NUMA1: variants seen among roughly 807,000 people sequenced by gnomAD.
The protein encoded by NUMA1 is nuclear mitotic apparatus protein 1, also known as SP-H antigen.
In NUMA1, 62 loss-of-function variants were observed where a neutral mutation model predicts 237.1. The observed-to-expected ratio is 0.26, with a 90% CI of 0.21 to 0.32. NUMA1 has a LOEUF of 0.32. NUMA1 is among the 10% of genes least tolerant of loss of function. NUMA1 has a pLI of 1.00. For missense variants in NUMA1, 2,533 were observed against 2,666.5 expected (o/e 0.95, Z 1.10); for synonymous variants, 1,028 against 1,066.1 (o/e 0.96, Z 0.70).
chr11:72,014,735 A>G lies in NUMA1; in HGVS notation c.2768T>C (p.Val923Ala), dbSNP rs1360997724. Residue 923 changes from valine (V) to alanine (A), a missense_variant, in exon 15 of 27, where the codon GTG becomes GCG. By Grantham distance (64) the Val-to-Ala change is moderately conservative (BLOSUM62 0). Transcript: ENST00000393695. This position sits in a 1 kb window ranked among gnomAD's most constrained non-coding sequence, Gnocchi z 4.6. ...SKEVARLETLVRKAGEQQETA... is the reference protein window; with the variant it reads ...SKEVARLETLARKAGEQQETA... ...TTCCTGCTGCTCACCTGCCTTGCGC[A>G]CCAAGGTCTCCAAGCGGGCCACCTC... The G allele has an allele frequency of 5.0e-6, 8 of 1,614,066 alleles. No homozygotes were observed. Among genetic ancestry groups the G allele is most frequent in the Non-Finnish European group, 6.8e-6 (8 of 1,180,034 alleles).
rs1311990032 is a variant in NUMA1 at position 72,015,614 on chromosome 11, G to A, written c.1889C>T (p.Ala630Val). Residue 630 changes from alanine to valine, a missense_variant, in exon 15 of 27, where the codon GCC becomes GTC. By Grantham distance (64) the Ala-to-Val change is moderately conservative (BLOSUM62 0). Transcript: ENST00000393695. The surrounding 1 kb of genome is among the most constrained non-coding windows in gnomAD (Gnocchi z 4.0). The part of the protein sequence containing the change: ...LQQQLQVANE[A>V]RDSAQTSVTQ... ...CACTGAGGTCTGGGCACTGTCCCGGGCTTCATTAGCCACCTGAAGTTGCTG... is the reference window on the plus strand; with the variant it reads ...CACTGAGGTCTGGGCACTGTCCCGGACTTCATTAGCCACCTGAAGTTGCTG... The A allele has an allele frequency of 6.2e-7, 1 of 1,613,566 alleles. No homozygotes were observed. Among genetic ancestry groups the A allele is most frequent in the Non-Finnish European group, 8.5e-7 (1 of 1,180,034 alleles).
chr11:72,078,822 CTTACATGATCCTCATG>C (rs144093421), intron 1 of NUMA1, among the ~76,000 whole-genome samples: 3,469 of 152,266 alleles, frequency 0.023, 131 homozygotes, highest in African/African-American at 0.079. Flanking sequence ...AGAAAGCTAC[CTTACATGATCCTCATG>C]TTCGCCCCAG....
At position 72,003,539 on chromosome 11, in the gene NUMA1, C is replaced by T; in HGVS notation, c.6337-1G>A. On this transcript the variant is annotated splice_acceptor_variant, in intron 26 of 26. Coordinates refer to ENST00000393695, the MANE Select transcript of NUMA1 (RefSeq NM_006185.4). LOFTEE classifies it high-confidence loss of function. ...TGGTACTGGCCCTTTAGTGCTTTGC[C>T]TGAAAGAGACACAGTCACATGGCCA... is the stretch of plus-strand genomic sequence containing the variant. The T allele has an allele frequency of 1.2e-6, 2 of 1,614,198 alleles. No individual in the cohort carries two copies. The highest frequency in any genetic ancestry group is 2.2e-5 in the East Asian group (1 of 44,884).
chr11:72,013,946 G>A lies in NUMA1; in HGVS notation c.3557C>T (p.Ala1186Val). 2 of 1,613,816 alleles carry A rather than the reference G, an allele frequency of 1.2e-6. No homozygotes were observed. The highest frequency in any genetic ancestry group is 1.7e-6 in the Non-Finnish European group (2 of 1,180,028). ...GGCAGCCAACTCCCGTTGGGCCGAGGCTAAGGCACTCTGACTGTGCCCTAG... is the reference window on the plus strand; with the variant it reads ...GGCAGCCAACTCCCGTTGGGCCGAGACTAAGGCACTCTGACTGTGCCCTAG... ...QELGHSQSAL[A>V]SAQRELAAFR... The change falls in exon 15 of 27, where the codon GCC (alanine) becomes GTC (valine). Residue 1186 changes from alanine (A) to valine (V), a missense_variant. This residue lies in a region of NUMA1 where 1,414 missense variants were observed against 1,508.1 expected (regional missense o/e 0.94). Coordinates refer to ENST00000393695, the MANE Select transcript of NUMA1 (RefSeq NM_006185.4). This position sits in a 1 kb window ranked among gnomAD's most constrained non-coding sequence, Gnocchi z 6.8.
chr11:72,067,597 TA>T (rs1943257280), intron 2 of NUMA1: 1 of 152,074 alleles, frequency 6.6e-6, no homozygotes, highest in South Asian at 2.1e-4. Context: ...AAGTAGAGAG[TA>T]AAGTAACTAT....
Position 72,013,638 on chromosome 11 carries a change from C to G in NUMA1, c.3865G>C (p.Ala1289Pro). ...AGGCTCTGCACCTCCTCCCGCAGAGCAGAGCTGCGTTCTGCAGCTCTGGCA... is the reference window on the plus strand; with the variant it reads ...AGGCTCTGCACCTCCTCCCGCAGAGGAGAGCTGCGTTCTGCAGCTCTGGCA... ...NSARAAERSS[A>P]LREEVQSLRE... Residue 1289 changes from alanine (A) to proline (P), a missense_variant, in exon 15 of 27, where the codon GCT (alanine) becomes CCT (proline). This residue lies in a region of NUMA1 where 324 missense variants were observed against 407.6 expected (regional missense o/e 0.79). Coordinates refer to ENST00000393695, the MANE Select transcript of NUMA1 (RefSeq NM_006185.4). This position sits in a 1 kb window ranked among gnomAD's most constrained non-coding sequence, Gnocchi z 6.8. 6.2e-7 allele frequency: 1 copy of G among 1,610,148 alleles called. No individual in the cohort carries two copies. Among genetic ancestry groups the G allele is most frequent in the South Asian group, 1.1e-5 (1 of 91,086 alleles).
At chr11:72,073,951 G>A (rs1183646866) in intron 1 of NUMA1, among the ~76,000 whole-genome samples, 1 of 152,022 alleles carries the variant, frequency 6.6e-6, no homozygotes, top group Non-Finnish European at 1.5e-5. Context: ...CAGCACTTTG[G>A]GAGGCTGAGG....
Position 72,028,902 on chromosome 11 carries a change from T to C in NUMA1, c.128+303A>G, listed in dbSNP as rs371520844. 9.2e-5 allele frequency among the ~76,000 whole-genome samples: 14 copies of C among 152,272 alleles called. 1 individual carries two copies. The highest frequency in any genetic ancestry group is 4.1e-4 in the South Asian group (2 of 4,824). ...AGAAGCCTTCTGGTGAGACAAGAGA[T>C]GGGGAACCCAAGAGTGAGCACTTGG... On this transcript the variant is annotated intron_variant, in intron 4 of 26. Transcript: ENST00000393695.
intron 2 of NUMA1, chr11:72,068,123 G>T (rs1943280271): frequency 6.6e-6 from 1 of 152,252 alleles, no homozygotes; most frequent in Admixed American, 6.5e-5. Context: ...CATCTTGATT[G>T]ATTTGGGTGT....
chr11:72,029,689 G>C (rs942066077), intron 3 of NUMA1, among the ~76,000 whole-genome samples: 9 of 152,140 alleles, frequency 5.9e-5, no homozygotes, highest in Non-Finnish European at 4.4e-5. Context: ...ATGTATTATA[G>C]CTCTTTGTAT....
At chr11:72,029,412 C>A in intron 3 of NUMA1, 122 bp from the exon 4 acceptor site, 1 of 518,086 alleles carries the variant, frequency 1.9e-6, no homozygotes. Flanking sequence ...ACTGATGATT[C>A]TCAGGTTTTT....
intron 23 of NUMA1, 128 bp downstream of exon 23, chr11:72,005,105 G>A: frequency 8.9e-7 from 1 of 1,120,042 alleles, no homozygotes; most frequent in Non-Finnish European, 1.2e-6. Context: ...CTGGAAACAT[G>A]AGAAGGTCAC....
At chr11:72,072,979 G>A (rs1307937694) in intron 1 of NUMA1, among the ~76,000 whole-genome samples, 6 of 146,934 alleles carry the variant, frequency 4.1e-5, no homozygotes, top group Admixed American at 6.8e-5. Flanking sequence ...CCTGGGAGGC[G>A]GAGCTTGCAG....
At position 72,015,731 on chromosome 11, in the gene NUMA1, T is replaced by G. The variant is rs746793056; in HGVS notation, c.1772A>C (p.Glu591Ala). The G allele has an allele frequency of 6.2e-7, 1 of 1,614,170 alleles. No individual in the cohort carries two copies. The highest frequency in any genetic ancestry group is 8.5e-7 in the Non-Finnish European group (1 of 1,180,040). Reference protein sequence around the residue: ...HAQQLATAAEEREASLRERDA... With the variant: ...HAQQLATAAEAREASLRERDA... ...CCGCTCCCTTAAGGAGGCCTCTCGC[T>G]CCTCTGCAGCAGTGGCCAGTTGCTG... The change falls in exon 15 of 27, where the codon GAG becomes GCG. Residue 591 changes from glutamate to alanine, a missense_variant. Glu to Ala is a moderately radical substitution (Grantham distance 107). Coordinates refer to ENST00000393695, the MANE Select transcript of NUMA1 (RefSeq NM_006185.4). The surrounding 1 kb of genome is among the most constrained non-coding windows in gnomAD (Gnocchi z 4.0).
At chr11:72,009,808 C>T (rs1303152710) in intron 17 of NUMA1, among the ~76,000 whole-genome samples, 1 of 152,232 alleles carries the variant, frequency 6.6e-6, no homozygotes, top group African/African-American at 2.4e-5. Flanking sequence ...TGAGAAGTCA[C>T]TTCACCCTCT....
intron 8 of NUMA1, chr11:72,020,347 C>T (rs1938593790): frequency 1.3e-5 from 2 of 152,222 alleles, no homozygotes; most frequent in South Asian, 2.1e-4. Flanking sequence ...AACCTGAATA[C>T]AAGGAACATC....
rs769317764 is a variant in NUMA1, at chr11:72,013,157, T to C, written c.4346A>G (p.Glu1449Gly). 1.9e-6 allele frequency: 3 copies of C among 1,613,980 alleles called. No homozygotes were observed. In the East Asian group the frequency reaches 6.7e-5, roughly 36 times the overall value. Residue 1449 changes from glutamate to glycine, a missense_variant, in exon 15 of 27, where the codon GAG (glutamate) becomes GGG (glycine). By Grantham distance (98) the Glu-to-Gly change is moderately conservative (BLOSUM62 -2). Around this residue, in one of 3 missense-constraint regions of NUMA1, gnomAD observed 324 missense variants for 407.6 expected, o/e 0.79. Transcript: ENST00000393695. This position sits in a 1 kb window ranked among gnomAD's most constrained non-coding sequence, Gnocchi z 6.8. ...CCGCTCACCCAGCCCCCGGTTCTCC[T>C]CTGCCAGCAGGCCATGCGCCTTCTT... ...MLKKAHGLLA[E>G]ENRGLGERAN...
chr11:72,035,205 C>T (rs1940860765), intron 3 of NUMA1, among the ~76,000 whole-genome samples: 1 of 152,164 alleles, frequency 6.6e-6, no homozygotes, highest in East Asian at 1.9e-4. Flanking sequence ...TCATTTGCCA[C>T]TGTCTCTGGT....
intron 2 of NUMA1, chr11:72,065,905 G>C (rs913197286): frequency 6.6e-6 from 1 of 152,208 alleles, no homozygotes; most frequent in Non-Finnish European, 1.5e-5. Flanking sequence ...TATAACTGAG[G>C]AATCAAGTTC....
Sources: allele counts gnomAD v4.1 joint callset (sites outside exome capture counted in the v4.1 genomes callset), GRCh38; gene constraint gnomAD v4.1.1; regional missense constraint gnomAD v4.1.1; non-coding constraint Gnocchi (gnomAD v3.1); transcripts MANE v1.5; gene names NCBI Gene and HGNC (gene_info 2026-07-23, HGNC 2026-07-21).